The following CDK6 variants were observed in gnomAD, a reference collection of about 807,000 sequenced individuals.
CDK6 encodes cyclin-dependent kinase 6.
A neutral mutation model predicts 37.1 loss-of-function variants in CDK6; 6 were observed. The observed-to-expected ratio is 0.16, with a 90% confidence interval of 0.09 to 0.32. CDK6 has a LOEUF of 0.32. Ranked by LOEUF, CDK6 falls within the 10% of genes least tolerant of loss-of-function variation. The probability of loss-of-function intolerance (pLI) is 1.00; values close to 1 mark genes in which losing one functional copy is unlikely to be tolerated. For missense variants in CDK6, 224 were observed against 418.9 expected, an observed-to-expected ratio of 0.53 and a Z score of 4.06; for synonymous variants, 160 against 161.3, an observed-to-expected ratio of 0.99 and a Z score of 0.06.
At chr7:92,672,918 C>T (rs1238586240) in intron 4 of CDK6, among the ~76,000 whole-genome samples, 3 of 152,160 alleles carry the variant, frequency 2.0e-5, no homozygotes, top group Non-Finnish European at 4.4e-5. Context: ...CACTGTTGCT[C>T]GTATCAAGGG....
intron 4 of CDK6, among the ~76,000 whole-genome samples, chr7:92,713,295 T>C (rs1395318940): frequency 6.6e-6 from 1 of 152,216 alleles, no homozygotes; most frequent in Non-Finnish European, 1.5e-5. Flanking sequence ...ACCTGTAAAG[T>C]CTTTTAAAAT....
chr7:92,754,635 T>C (rs1378978137), intron 3 of CDK6, among the ~76,000 whole-genome samples: 3 of 152,248 alleles, frequency 2.0e-5, no homozygotes, highest in Non-Finnish European at 2.9e-5. Flanking sequence ...GTCAGGACTC[T>C]ATTTGGATAA....
chr7:92,742,096 T>C (rs911176929), intron 3 of CDK6, among the ~76,000 whole-genome samples: 12 of 152,210 alleles, frequency 7.9e-5, no homozygotes, highest in Non-Finnish European at 1.3e-4. Flanking sequence ...CTGGGTTGTT[T>C]TTAAGATTTA....
intron 4 of CDK6, among the ~76,000 whole-genome samples, chr7:92,722,179 ATT>A (rs1418000934): frequency 1.3e-5 from 2 of 152,118 alleles, no homozygotes; most frequent in Admixed American, 1.3e-4. Context: ...ATATATATAT[ATT>A]AACATAGATA....
chr7:92,652,411 C>A (rs1454790431), intron 5 of CDK6, among the ~76,000 whole-genome samples: 1 of 152,118 alleles, frequency 6.6e-6, no homozygotes, highest in Non-Finnish European at 1.5e-5. Context: ...CTTTGAATAG[C>A]CTTTCATATA....
chr7:92,656,574 T>A (rs550472529), intron 5 of CDK6, among the ~76,000 whole-genome samples: 1 of 152,184 alleles, frequency 6.6e-6, no homozygotes, highest in African/African-American at 2.4e-5. Flanking sequence ...TCTAGTAAAT[T>A]TGCATAAACA....
chr7:92,681,227 A>C (rs1191555185), intron 4 of CDK6, among the ~76,000 whole-genome samples: 1 of 152,186 alleles, frequency 6.6e-6, no homozygotes, highest in Non-Finnish European at 1.5e-5. Context: ...AAGAAGACTC[A>C]CAGGGCAATG....
rs74407189 is a variant in CDK6, at chr7:92,697,124, C to T, written c.538-25589G>A. Among the ~76,000 whole-genome samples, 55 of 152,246 alleles carry T rather than the reference C, an allele frequency of 3.6e-4. No individual in the cohort carries two copies. In the East Asian group the frequency reaches 7.9e-3, roughly 22 times the overall value. ...AATAATTGGCTCTTAATAAGTGCTT[C>T]GGAAGACAGTTAATAACATTTCAGC... On this transcript the variant is annotated intron_variant, in intron 4 of 7. Coordinates refer to ENST00000424848, the MANE Select transcript of CDK6 (RefSeq NM_001145306.2).
chr7:92,669,035 C>T (rs1018962030), intron 5 of CDK6, among the ~76,000 whole-genome samples: 4 of 152,192 alleles, frequency 2.6e-5, no homozygotes, highest in African/African-American at 9.6e-5. Flanking sequence ...CTCACTTTTC[C>T]AGCAAACTGA....
chr7:92,743,630 T>C (rs1798985745), intron 3 of CDK6, among the ~76,000 whole-genome samples: 1 of 152,116 alleles, frequency 6.6e-6, no homozygotes, highest in Admixed American at 6.5e-5. Context: ...TAATCATCAG[T>C]GAATTGAAAA....
chr7:92,821,441 C>G (rs1801169168), intron 2 of CDK6, among the ~76,000 whole-genome samples: 1 of 151,928 alleles, frequency 6.6e-6, no homozygotes, highest in Admixed American at 6.6e-5. Context: ...TGTTTTAAGC[C>G]CCTACATGTT....
intron 3 of CDK6, among the ~76,000 whole-genome samples, chr7:92,755,650 T>A (rs983950637): frequency 6.6e-6 from 1 of 152,186 alleles, no homozygotes; most frequent in African/African-American, 2.4e-5. Context: ...TTTATTTTCC[T>A]GAGTGGCAAA....
At chr7:92,696,490 T>C (rs1298852805) in intron 4 of CDK6, among the ~76,000 whole-genome samples, 1 of 152,214 alleles carries the variant, frequency 6.6e-6, no homozygotes, top group Non-Finnish European at 1.5e-5. Flanking sequence ...ATTTTTTTAA[T>C]AGTCTTTACT....
chr7:92,820,999 T>C (rs1166320364), intron 2 of CDK6, among the ~76,000 whole-genome samples: 2 of 152,012 alleles, frequency 1.3e-5, no homozygotes, highest in Non-Finnish European at 2.9e-5. Flanking sequence ...GGAAATTCTT[T>C]AACATTCCTT....
intron 2 of CDK6, among the ~76,000 whole-genome samples, chr7:92,799,733 G>A (rs1800520301): frequency 6.6e-6 from 1 of 152,044 alleles, no homozygotes; most frequent in Non-Finnish European, 1.5e-5. Flanking sequence ...CTTATTGTGG[G>A]ACAAATTATA....
At chr7:92,618,746 A>C (rs1480355607) in intron 6 of CDK6, among the ~76,000 whole-genome samples, 1 of 152,244 alleles carries the variant, frequency 6.6e-6, no homozygotes, top group East Asian at 1.9e-4. Flanking sequence ...AGAAGGAAAA[A>C]TGAGGCTAAA....
Position 92,833,573 on chromosome 7 carries a change from C to T in CDK6, c.-250G>A. 1 of 543,754 alleles carries T rather than the reference C, an allele frequency of 1.8e-6. No individual in the cohort carries two copies. Among genetic ancestry groups the T allele is most frequent in the Non-Finnish European group, 3.2e-6 (1 of 314,566 alleles). 33.7% of individuals were successfully genotyped at this position (543,754 alleles called of 1,614,324 possible). On this transcript the variant is annotated 5_prime_UTR_variant, in exon 2 of 8. Coordinates refer to ENST00000424848, the MANE Select transcript of CDK6 (RefSeq NM_001145306.2). This position sits in a 1 kb window ranked among gnomAD's most constrained non-coding sequence, Gnocchi z 6.1. Reference sequence around the variant, plus strand: ...AACTCCGCCTGCAGAGTCGCCGCCGCCGCCGCCGCCGGAGGAGCGAGCCGA... The same window carrying T: ...AACTCCGCCTGCAGAGTCGCCGCCGTCGCCGCCGCCGGAGGAGCGAGCCGA...
chr7:92,788,998 T>A (rs1401659945), intron 2 of CDK6, among the ~76,000 whole-genome samples: 2 of 152,068 alleles, frequency 1.3e-5, no homozygotes, highest in African/African-American at 4.8e-5. Flanking sequence ...TGGTGGCACA[T>A]GCTTGTAGTC....
intron 4 of CDK6, among the ~76,000 whole-genome samples, chr7:92,695,687 T>C (rs1797701200): frequency 6.6e-6 from 1 of 152,218 alleles, no homozygotes; most frequent in Non-Finnish European, 1.5e-5. Flanking sequence ...TAAATGTATA[T>C]GCTGAAAGCA....
Sources: allele counts gnomAD v4.1 joint callset (sites outside exome capture counted in the v4.1 genomes callset), GRCh38; gene constraint gnomAD v4.1.1; non-coding constraint Gnocchi (gnomAD v3.1); transcripts MANE v1.5; gene names NCBI Gene and HGNC (gene_info 2026-07-23, HGNC 2026-07-21).